The following C16orf95 variants were observed in gnomAD, a reference collection of about 807,000 sequenced individuals.
C16orf95 encodes the protein uncharacterized protein C16orf95.
C16orf95 carries 41 observed loss-of-function variants against 32.1 expected under a neutral mutation model. The observed-to-expected ratio is 1.28, with a 90% CI of 1.00 to 1.66. The LOEUF is 1.66. Among genes scored for constraint, C16orf95 ranks in the 40% most tolerant of loss-of-function variants. The pLI, the probability that C16orf95 is intolerant of heterozygous loss-of-function variation, is 0.00. For synonymous variants in C16orf95, 147 were observed against 128.9 expected (o/e 1.14, Z -0.95); for missense variants, 399 against 325.9 (o/e 1.22, Z -1.73).
At chr16:87,314,019 G>A (rs1403720496) in intron 3 of C16orf95, among the ~76,000 whole-genome samples, 2 of 152,100 alleles carry the variant, frequency 1.3e-5, no homozygotes, top group Admixed American at 1.3e-4. Context: ...AAAAACATCA[G>A]CTAAACCAAG....
intron 6 of C16orf95, 37 bp from the exon 7 acceptor site, chr16:87,303,112 C>T: frequency 1.3e-6 from 2 of 1,535,970 alleles, no homozygotes; most frequent in Non-Finnish European, 1.7e-6. Context: ...AGGACCCGGC[C>T]CCAGGCTGAG....
intron 3 of C16orf95, among the ~76,000 whole-genome samples, chr16:87,312,830 A>G (rs765448728): frequency 5.3e-5 from 8 of 152,232 alleles, no homozygotes; most frequent in Non-Finnish European, 1.0e-4. Context: ...AAATAGGTTT[A>G]GCAATATTGT....
chr16:87,308,715 C>G (rs1054262916), intron 5 of C16orf95, among the ~76,000 whole-genome samples: 1 of 152,222 alleles, frequency 6.6e-6, no homozygotes, highest in Non-Finnish European at 1.5e-5. Context: ...CATGTTTTCA[C>G]TCCTGTTACA....
intron 5 of C16orf95, among the ~76,000 whole-genome samples, chr16:87,308,221 G>A (rs1006893050): frequency 1.3e-4 from 20 of 152,064 alleles, no homozygotes; most frequent in African/African-American, 4.6e-4. Flanking sequence ...AGTGGTTCAC[G>A]CCTGTAATCC....
chr16:87,316,886 G>C (rs955019234), intron 1 of C16orf95, among the ~76,000 whole-genome samples: 1 of 152,214 alleles, frequency 6.6e-6, no homozygotes, highest in East Asian at 1.9e-4. Flanking sequence ...ATGTGTACCT[G>C]GATACATCCA....
chr16:87,311,539 C>G (rs1177694805), intron 3 of C16orf95, among the ~76,000 whole-genome samples: 2 of 152,230 alleles, frequency 1.3e-5, no homozygotes, highest in Non-Finnish European at 2.9e-5. Flanking sequence ...ACCTGGCCTC[C>G]CTACCCACCA....
In C16orf95 at chr16:87,317,327, C is replaced by A; in HGVS notation, c.-85G>T. 6.9e-7 allele frequency: 1 copy of A among 1,439,802 alleles called. No homozygotes were observed. Among genetic ancestry groups the A allele is most frequent in the Non-Finnish European group, 9.1e-7 (1 of 1,096,220 alleles). 89.2% of individuals were successfully genotyped at this position (1,439,802 alleles called of 1,614,324 possible). On this transcript the variant is annotated 5_prime_UTR_variant, in exon 1 of 7. Coordinates refer to ENST00000567970, the MANE Select transcript of C16orf95 (RefSeq NM_001195124.3). The stretch of plus-strand genomic sequence containing the variant: ...CTGGCTCCCGCCTTTCCCTCCTGCC[C>A]CAGGAGGAACCCAACCCGAGCTCAA...
chr16:87,310,261 G>A (rs1238799779), intron 5 of C16orf95, 36 bp downstream of exon 5: 18 of 1,534,166 alleles, frequency 1.2e-5, no homozygotes, highest in Non-Finnish European at 1.5e-5. Flanking sequence ...TTTCTGGGGA[G>A]GGGGATGATA....
chr16:87,303,190 C>T, intron 6 of C16orf95, 115 bp from the exon 7 acceptor site: 2 of 1,025,564 alleles, frequency 2.0e-6, no homozygotes, highest in Non-Finnish European at 2.9e-6. Context: ...CTCCACAGTG[C>T]ACAGGGCTGG....
chr16:87,314,911 C>A, intron 3 of C16orf95, 60 bp downstream of exon 3: 2 of 1,423,288 alleles, frequency 1.4e-6, no homozygotes, highest in Non-Finnish European at 1.9e-6. Flanking sequence ...TGAGGGGTGA[C>A]TGGTCAACTG....
chr16:87,313,515 CTTGAGTCCAGGTGT>C (rs1911376034), intron 3 of C16orf95, among the ~76,000 whole-genome samples: 2 of 152,176 alleles, frequency 1.3e-5, no homozygotes, highest in Admixed American at 1.3e-4. Context: ...GGGTGGGTCA[CTTGAGTCCAGGTGT>C]TTGAGACTAG....
At chr16:87,314,741 A>T (rs750490218) in intron 3 of C16orf95, among the ~76,000 whole-genome samples, 2 of 152,212 alleles carry the variant, frequency 1.3e-5, no homozygotes, top group Non-Finnish European at 2.9e-5. Flanking sequence ...GTTCATAAGC[A>T]TGATAACTGG....
At chr16:87,310,151 C>G (rs1355204416) in intron 5 of C16orf95, 146 bp downstream of exon 5, 13 of 812,212 alleles carry the variant, frequency 1.6e-5, no homozygotes, top group Non-Finnish European at 2.4e-5. Flanking sequence ...GGCTGTTGAG[C>G]AGGGGAAGGG....
intron 5 of C16orf95, among the ~76,000 whole-genome samples, chr16:87,306,959 T>G (rs1268075307): frequency 6.6e-6 from 1 of 152,182 alleles, no homozygotes; most frequent in Non-Finnish European, 1.5e-5. Context: ...AAATATTTAA[T>G]AAAAATAAAC....
chr16:87,305,173 T>C lies in C16orf95; in HGVS notation c.701+546A>G, dbSNP rs192160829. 1.3e-5 allele frequency among the ~76,000 whole-genome samples: 2 copies of C among 152,014 alleles called. No homozygotes were observed. The highest frequency in any genetic ancestry group is 3.9e-4 in the East Asian group (2 of 5,168). ...CCCCGGAGGCTTCCTGGGGGAGGTA[T>C]CCCAGCAGAAAGCCATGGCTGTGGG... On this transcript the variant is annotated intron_variant, in intron 6 of 6. Transcript: ENST00000567970. The surrounding 1 kb of genome is among the most constrained non-coding windows in gnomAD (Gnocchi z 4.2).
In C16orf95 at chr16:87,303,092, G is replaced by T; in HGVS notation, c.702-17C>A. On this transcript the variant is annotated splice_polypyrimidine_tract_variant and intron_variant, in intron 6 of 6. Coordinates refer to ENST00000567970, the MANE Select transcript of C16orf95 (RefSeq NM_001195124.3). Reference sequence around the variant, plus strand: ...AAACACTGGCTGGAAAGCAAAGAGAGACAGTTACTAGGACCCGGCCCCAGG... The same window carrying T: ...AAACACTGGCTGGAAAGCAAAGAGATACAGTTACTAGGACCCGGCCCCAGG... 1 of 1,536,102 alleles carries T rather than the reference G, an allele frequency of 6.5e-7. No individual in the cohort carries two copies. Among genetic ancestry groups the T allele is most frequent in the African/African-American group, 1.4e-5 (1 of 73,182 alleles).
intron 5 of C16orf95, among the ~76,000 whole-genome samples, chr16:87,308,094 G>A (rs9928961): frequency 0.54 from 82,688 of 152,040 alleles, 22,984 homozygotes; most frequent in Non-Finnish European, 0.6. Flanking sequence ...AGGAATGAGC[G>A]GGAGCCTTGC....
At chr16:87,308,614 C>T (rs1477870176) in intron 5 of C16orf95, among the ~76,000 whole-genome samples, 1 of 152,216 alleles carries the variant, frequency 6.6e-6, no homozygotes, top group African/African-American at 2.4e-5. Context: ...CTGCTCTTGT[C>T]CCATCCACTC....
At position 87,305,620 on chromosome 16, in the gene C16orf95, C is replaced by G. The variant is rs893552378; in HGVS notation, c.701+99G>C. ...TGGACGCCTGTCAAGTTAAGCCCCA[C>G]CCCCCACTCTTCCACATCCCTGATG... On this transcript the variant is annotated intron_variant, in intron 6 of 6. Coordinates refer to ENST00000567970, the MANE Select transcript of C16orf95 (RefSeq NM_001195124.3). This position sits in a 1 kb window ranked among gnomAD's most constrained non-coding sequence, Gnocchi z 4.2. 2.2e-5 allele frequency: 25 copies of G among 1,121,760 alleles called. No homozygotes were observed. The highest frequency in any genetic ancestry group is 3.0e-5 in the Non-Finnish European group (25 of 820,260). The allele number at this position is 1,121,760 out of a possible 1,614,324, so 69.5% of individuals were successfully genotyped here.
Sources: gnomAD v4.1 joint callset for allele counts (sites outside exome capture counted in the v4.1 genomes callset) on GRCh38, gnomAD v4.1.1 for gene constraint, Gnocchi (gnomAD v3.1) non-coding constraint, MANE v1.5 for transcripts, NCBI Gene and HGNC (gene_info 2026-07-23, HGNC 2026-07-21) for gene names.